USP28: variants seen among roughly 807,000 people sequenced by gnomAD.
The protein encoded by USP28 is ubiquitin specific peptidase 28.
A neutral mutation model predicts 145.0 loss-of-function variants in USP28; 113 were observed. The ratio of observed to expected loss-of-function variants is 0.78; its 90% confidence interval spans 0.67 to 0.91. The LOEUF is 0.91. USP28 is among the 40% of genes least tolerant of loss of function. The pLI is 0.00. For missense variants in USP28, 1,201 were observed against 1,289.6 expected (o/e 0.93, Z 1.05); for synonymous variants, 447 against 450.9 (o/e 0.99, Z 0.11).
chr11:113,854,153 C>G (rs976869227), intron 2 of USP28, 105 bp downstream of exon 2: 2 of 1,008,260 alleles, frequency 2.0e-6, no homozygotes, highest in Non-Finnish European at 3.0e-6. Context: ...AGCTTCTGTC[C>G]CTATATGTGC....
At chr11:113,859,650 A>G (rs1274980969) in intron 1 of USP28, among the ~76,000 whole-genome samples, 1 of 152,056 alleles carries the variant, frequency 6.6e-6, no homozygotes, top group African/African-American at 2.4e-5. Flanking sequence ...TAAACCCATC[A>G]GGATCCTACC....
chr11:113,808,477 A>T (rs1940415816), intron 17 of USP28, 40 bp from the exon 18 acceptor site: 1 of 1,609,296 alleles, frequency 6.2e-7, no homozygotes. Flanking sequence ...ATCTAATGAT[A>T]AATAGTCTAG....
chr11:113,830,482 G>C (rs1943860025), intron 9 of USP28, among the ~76,000 whole-genome samples: 1 of 152,158 alleles, frequency 6.6e-6, no homozygotes, highest in South Asian at 2.1e-4. Flanking sequence ...TAAGCCTCCA[G>C]AGTGAAAAGC....
intron 3 of USP28, among the ~76,000 whole-genome samples, chr11:113,842,625 A>G (rs573704490): frequency 6.6e-6 from 1 of 152,090 alleles, no homozygotes; most frequent in Non-Finnish European, 1.5e-5. Context: ...ACTGCAGGAA[A>G]AAAAAATGAG....
At chr11:113,874,449 A>AATT in intron 1 of USP28, 35 of 856,276 alleles carry the variant, frequency 4.1e-5, no homozygotes, top group Non-Finnish European at 5.1e-5. Context: ...AAAAAAAAAA[A>AATT]GTGTCTCCAT....
At chr11:113,845,469 T>C (rs1419319662) in intron 3 of USP28, among the ~76,000 whole-genome samples, 4 of 150,514 alleles carry the variant, frequency 2.7e-5, no homozygotes, top group African/African-American at 9.8e-5. Flanking sequence ...TAAAATAAAA[T>C]AAATGATGCA....
chr11:113,810,098 T>TCA (rs1415490448), intron 16 of USP28, among the ~76,000 whole-genome samples: 1 of 142,576 alleles, frequency 7.0e-6, no homozygotes, highest in Admixed American at 6.9e-5. Flanking sequence ...GATATACCAA[T>TCA]CATTTCAGGG....
At chr11:113,829,123 C>G in intron 10 of USP28, 74 bp downstream of exon 10, 2 of 1,571,280 alleles carry the variant, frequency 1.3e-6, no homozygotes, top group Non-Finnish European at 1.7e-6. Context: ...TGATGGGAAA[C>G]TAGTCTGCCC....
chr11:113,816,495 G>C (rs1168864073), intron 13 of USP28, among the ~76,000 whole-genome samples: 2 of 152,072 alleles, frequency 1.3e-5, no homozygotes, highest in Admixed American at 1.3e-4. Context: ...CCTGGCGACA[G>C]AGTGAGACTC....
intron 16 of USP28, 24 bp from the exon 17 acceptor site, chr11:113,809,278 T>G: frequency 1.9e-6 from 3 of 1,607,904 alleles, no homozygotes; most frequent in Non-Finnish European, 2.6e-6. Flanking sequence ...AAGATAGAGT[T>G]AAAAGGTCAC....
intron 24 of USP28, among the ~76,000 whole-genome samples, chr11:113,801,189 G>A (rs977305959): frequency 6.6e-6 from 1 of 152,156 alleles, no homozygotes; most frequent in Non-Finnish European, 1.5e-5. Context: ...TTTGGCACAT[G>A]AGAGAGTAAT....
At chr11:113,858,733 C>A (rs1370384121) in intron 1 of USP28, among the ~76,000 whole-genome samples, 1 of 152,202 alleles carries the variant, frequency 6.6e-6, no homozygotes, top group East Asian at 1.9e-4. Context: ...CCTCAGCCAC[C>A]TGAGCAGCTG....
At chr11:113,831,882 G>A (rs1203408240) in intron 8 of USP28, 38 bp downstream of exon 8, 4 of 1,591,190 alleles carry the variant, frequency 2.5e-6, no homozygotes, top group Non-Finnish European at 3.4e-6. Flanking sequence ...GGCCCACTGT[G>A]AGTCGGAAGG....
chr11:113,864,336 TTCC>T (rs1269752231), intron 1 of USP28, among the ~76,000 whole-genome samples: 2 of 151,896 alleles, frequency 1.3e-5, no homozygotes, highest in Non-Finnish European at 2.9e-5. Context: ...CTAGTCAGAG[TTCC>T]CCAGAGAAAC....
intron 5 of USP28, among the ~76,000 whole-genome samples, chr11:113,839,883 C>T (rs1304719164): frequency 6.6e-6 from 1 of 152,070 alleles, no homozygotes; most frequent in Non-Finnish European, 1.5e-5. Context: ...TTAGCCAGGC[C>T]TGGTGGTACA....
intron 1 of USP28, among the ~76,000 whole-genome samples, chr11:113,864,138 G>A (rs1948027530): frequency 1.3e-5 from 2 of 151,998 alleles, no homozygotes; most frequent in African/African-American, 2.4e-5. Flanking sequence ...CTACTCGGGA[G>A]GCTGAGGCGG....
chr11:113,869,757 C>G (rs1182401515), intron 1 of USP28, among the ~76,000 whole-genome samples: 1 of 152,070 alleles, frequency 6.6e-6, no homozygotes, highest in East Asian at 1.9e-4. Flanking sequence ...GTATAACAAC[C>G]CTGGGAAAAT....
At chr11:113,799,351 G>A (rs767113564) in exon 25 of USP28, 30 of 1,614,074 alleles carry the variant, frequency 1.9e-5, no homozygotes, top group East Asian at 1.1e-4. Flanking sequence ...CTTTCAAGAC[G>A]ATGATTTCTG....
At chr11:113,836,977 TC>T in intron 5 of USP28, among the ~76,000 whole-genome samples, 1 of 152,232 alleles carries the variant, frequency 6.6e-6, no homozygotes, top group East Asian at 1.9e-4. Context: ...TGTTTTTTTA[TC>T]CCAATAGCTG....
Sources: gnomAD v4.1 joint callset for allele counts (sites outside exome capture counted in the v4.1 genomes callset) on GRCh38, gnomAD v4.1.1 for gene constraint, MANE v1.5 for transcripts, NCBI Gene and HGNC (gene_info 2026-07-23, HGNC 2026-07-21) for gene names.